The following COQ10B variants were observed in gnomAD, a reference collection of about 807,000 sequenced individuals.
The protein encoded by COQ10B is coenzyme Q10B, also known as coenzyme Q-binding protein COQ10 homolog B, mitochondrial.
Under a neutral mutation model 27.6 loss-of-function variants are expected in COQ10B, and 12 were observed. That is an observed-to-expected ratio of 0.43 (90% CI 0.28 to 0.70). The LOEUF (loss-of-function observed/expected upper bound fraction) is 0.70. COQ10B is among the 30% of genes least tolerant of loss of function. The pLI, the probability that COQ10B is intolerant of heterozygous loss-of-function variation, is 0.17. For missense variants in COQ10B, 278 were observed against 288.7 expected (o/e 0.96, Z 0.27); for synonymous variants, 115 against 103.0 (o/e 1.12, Z -0.71).
chr2:197,453,629 A>G lies in COQ10B; in HGVS notation c.69A>G (p.Thr23=), dbSNP rs756159751. 6.2e-7 allele frequency: 1 copy of G among 1,614,036 alleles called. No homozygotes were observed. Among genetic ancestry groups the G allele is most frequent in the East Asian group, 2.2e-5 (1 of 44,874 alleles). ...CGGGATGCCGTCCGAAGTCGGCGACAGCGGCCGGGGCGCAGGCGCCCGTGC... is the reference window on the plus strand; with the variant it reads ...CGGGATGCCGTCCGAAGTCGGCGACGGCGGCCGGGGCGCAGGCGCCCGTGC... ...VVSGCRPKSA[T]AAGAQAPVRN... Residue 23 remains threonine, a synonymous_variant, in exon 1 of 5, where the codon ACA becomes ACG. Transcript: ENST00000263960.
chr2:197,462,628 CAA>C lies in COQ10B; in HGVS notation c.346_347del (p.Lys116GlufsTer6). 2 of 1,598,640 alleles carry C rather than the reference CAA, an allele frequency of 1.3e-6. No individual in the cohort carries two copies. Among genetic ancestry groups the C allele is most frequent in the Non-Finnish European group, 1.7e-6 (2 of 1,169,116 alleles). On this transcript the variant is annotated frameshift_variant, in exon 3 of 5. Coordinates refer to ENST00000263960, the MANE Select transcript of COQ10B (RefSeq NM_025147.5). LOFTEE classifies it high-confidence loss of function. ...TGGTGCAAAAAATCAGATGTTATAT[CAA>C]AGAGATCTGGATATTGTAAAACAAG...
chr2:197,457,269 C>T (rs1248140697), intron 1 of COQ10B, among the ~76,000 whole-genome samples: 2 of 152,132 alleles, frequency 1.3e-5, no homozygotes, highest in African/African-American at 4.8e-5. Flanking sequence ...TCTTCTATAC[C>T]ACTGTAGGAT....
chr2:197,453,768 A>G (rs1574575491), intron 1 of COQ10B, 104 bp downstream of exon 1: 2 of 1,130,560 alleles, frequency 1.8e-6, no homozygotes, highest in Non-Finnish European at 2.6e-6. Flanking sequence ...GACTCGGTGC[A>G]TTTCCGTGTC....
Position 197,473,753 on chromosome 2 carries a change from A to G in COQ10B, c.550-4A>G, listed in dbSNP as rs1003027090. 1 of 1,473,052 alleles carries G rather than the reference A, an allele frequency of 6.8e-7. No homozygotes were observed. The highest frequency in any genetic ancestry group is 1.4e-5 in the African/African-American group (1 of 69,814). 91.2% of individuals were successfully genotyped at this position (1,473,052 alleles called of 1,614,324 possible). A position where few individuals can be genotyped will look rare whatever the true frequency, so the allele number is the denominator to read the frequency against. On this transcript the variant is annotated splice_polypyrimidine_tract_variant and splice_region_variant and intron_variant, in intron 4 of 4. Coordinates refer to ENST00000263960, the MANE Select transcript of COQ10B (RefSeq NM_025147.5). ...CTAAAATAATTTTCAATATTTTCCT[A>G]CAGATTTCTTTTGAATTTCGATCAC...
intron 3 of COQ10B, among the ~76,000 whole-genome samples, chr2:197,463,737 A>G (rs2085786052): frequency 6.6e-6 from 1 of 150,850 alleles, no homozygotes; most frequent in Non-Finnish European, 1.5e-5. Flanking sequence ...GCTTGAGATT[A>G]GCCTGGCCAA....
intron 3 of COQ10B, among the ~76,000 whole-genome samples, chr2:197,465,990 G>A (rs1172881172): frequency 6.6e-6 from 1 of 152,120 alleles, no homozygotes; most frequent in Non-Finnish European, 1.5e-5. Flanking sequence ...TACTCGGGAG[G>A]CTGAGGCAGA....
chr2:197,460,217 T>C (rs1299203961), intron 2 of COQ10B, 136 bp downstream of exon 2: 13 of 573,864 alleles, frequency 2.3e-5, no homozygotes, highest in South Asian at 6.3e-5. Flanking sequence ...TTTCTTTTTT[T>C]TTTTTTTTTC....
Position 197,460,004 on chromosome 2 carries a change from A to C in COQ10B, c.177A>C (p.Ile59=), listed in dbSNP as rs747728380. 11 of 1,611,288 alleles carry C rather than the reference A, an allele frequency of 6.8e-6. No homozygotes were observed. In the Admixed American group the frequency reaches 1.8e-4, roughly 27 times the overall value. The change falls in exon 2 of 5, where the codon ATA becomes ATC. Residue 59 remains isoleucine (I), a synonymous_variant. Coordinates refer to ENST00000263960, the MANE Select transcript of COQ10B (RefSeq NM_025147.5). ...ATACCTCAATTTTGCCTAAGGAGAT[A>C]TGTGCACGAACTTTCTTCAAAATCA... is the stretch of plus-strand genomic sequence containing the variant. The part of the protein sequence containing the change: ...PLHTSILPKE[I]CARTFFKITA...
chr2:197,473,517 TACACAC>T (rs147497939), intron 4 of COQ10B, among the ~76,000 whole-genome samples: 1 of 140,582 alleles, frequency 7.1e-6, no homozygotes, highest in African/African-American at 2.6e-5. Context: ...CGTATATATA[TACACAC>T]ACACACACAC....
chr2:197,455,500 C>A (rs1426911156), intron 1 of COQ10B, among the ~76,000 whole-genome samples: 1 of 151,930 alleles, frequency 6.6e-6, no homozygotes, highest in African/African-American at 2.4e-5. Flanking sequence ...TACACATACA[C>A]ATATACAGAA....
intron 3 of COQ10B, among the ~76,000 whole-genome samples, chr2:197,467,388 ATTG>A (rs1559294259): frequency 6.6e-6 from 1 of 150,818 alleles, no homozygotes; most frequent in African/African-American, 2.4e-5. Flanking sequence ...GATTTGATTG[ATTG>A]ATTAAGATGG....
rs1342487077 is a variant in COQ10B at position 197,462,573 on chromosome 2, G to A, written c.289G>A (p.Gly97Arg). The change falls in exon 3 of 5, where the codon GGA (glycine) becomes AGA (arginine). Residue 97 changes from glycine (G) to arginine (R), a missense_variant. Transcript: ENST00000263960. ...SMQEMYDVVS[G>R]VEDYKHFVPW... ...GCAGGAAATGTATGATGTAGTATCG[G>A]GAGTGGAGGATTACAAGCATTTTGT... The A allele has an allele frequency of 6.9e-6, 11 of 1,591,986 alleles. No homozygotes were observed. Among genetic ancestry groups the A allele is most frequent in the African/African-American group, 1.3e-5 (1 of 74,286 alleles).
chr2:197,464,026 C>T (rs1420018181), intron 3 of COQ10B, among the ~76,000 whole-genome samples: 5 of 104,948 alleles, frequency 4.8e-5, no homozygotes, highest in African/African-American at 7.5e-5. Flanking sequence ...CACACACACA[C>T]ATACATACAC....
intron 3 of COQ10B, among the ~76,000 whole-genome samples, chr2:197,463,190 T>A (rs1053380541): frequency 6.6e-6 from 1 of 152,056 alleles, no homozygotes; most frequent in Non-Finnish European, 1.5e-5. Context: ...AGAAAAGATA[T>A]AGGCATAGCG....
intron 1 of COQ10B, among the ~76,000 whole-genome samples, chr2:197,454,570 A>C (rs1046621071): frequency 1.3e-5 from 2 of 152,134 alleles, no homozygotes; most frequent in Non-Finnish European, 2.9e-5. Context: ...CAAATGTTGG[A>C]TGAGACAAAC....
chr2:197,453,865 G>A lies in COQ10B; in HGVS notation c.104+201G>A, dbSNP rs545654400. ...ACCTTGGGCCCAAGGCTGTGTTCGTGGCTCGTTTGCCTCGTGAGAGGCGGT... is the reference window on the plus strand; with the variant it reads ...ACCTTGGGCCCAAGGCTGTGTTCGTAGCTCGTTTGCCTCGTGAGAGGCGGT... On this transcript the variant is annotated intron_variant, in intron 1 of 4. Transcript: ENST00000263960. The A allele has an allele frequency of 5.4e-6, 7 of 1,291,974 alleles. No homozygotes were observed. The African/African-American group carries it at 8.8e-5, about 16-fold the overall frequency. 80.0% of individuals were successfully genotyped at this position (1,291,974 alleles called of 1,614,324 possible). A position where few individuals can be genotyped will look rare whatever the true frequency, so the allele number is the denominator to read the frequency against.
intron 1 of COQ10B, chr2:197,453,869 C>A (rs2085665673): frequency 3.1e-6 from 4 of 1,311,322 alleles, no homozygotes; most frequent in South Asian, 1.4e-5. Flanking sequence ...GTTCGTGGCT[C>A]GTTTGCCTCG....
chr2:197,465,772 G>A (rs2085818659), intron 3 of COQ10B, among the ~76,000 whole-genome samples: 1 of 152,002 alleles, frequency 6.6e-6, no homozygotes, highest in Admixed American at 6.6e-5. Flanking sequence ...AACATAGCAA[G>A]TAAGACTCCA....
chr2:197,473,844 G>C lies in COQ10B; in HGVS notation c.637G>C (p.Glu213Gln). The C allele has an allele frequency of 6.2e-7, 1 of 1,605,628 alleles. No homozygotes were observed. Among genetic ancestry groups the C allele is most frequent in the African/African-American group, 1.3e-5 (1 of 74,866 alleles). Residue 213 changes from glutamate (E) to glutamine (Q), a missense_variant, in exon 5 of 5, where the codon GAA (glutamate) becomes CAA (glutamine). Physicochemically the swap from Glu to Gln is conservative, Grantham distance 29 (BLOSUM62 2). This residue lies in a region of COQ10B where 83 missense variants were observed against 104.5 expected (regional missense o/e 0.79). Coordinates refer to ENST00000263960, the MANE Select transcript of COQ10B (RefSeq NM_025147.5). ...TGTGAAGCAGATGGTAGCTGCCTTT[G>C]AAAGAAGAGCATGTAAGCTGTATGG... ...EVVKQMVAAF[E>Q]RRACKLYGPE...
Sources: allele counts gnomAD v4.1 joint callset (sites outside exome capture counted in the v4.1 genomes callset), GRCh38; gene constraint gnomAD v4.1.1; regional missense constraint gnomAD v4.1.1; transcripts MANE v1.5; gene names NCBI Gene and HGNC (gene_info 2026-07-23, HGNC 2026-07-21).